HMGCS2: variants seen among roughly 807,000 people sequenced by gnomAD.
HMGCS2 encodes the protein hydroxymethylglutaryl-CoA synthase, mitochondrial.
HMGCS2 carries 50 observed loss-of-function variants against 57.4 expected under a neutral mutation model. The ratio of observed to expected loss-of-function variants is 0.87; its 90% CI spans 0.69 to 1.10. The LOEUF (loss-of-function observed/expected upper bound fraction) is 1.10. HMGCS2 is among the 50% of genes least tolerant of loss of function. The probability of loss-of-function intolerance (pLI) is 0.00; values close to 1 mark genes in which losing one functional copy is unlikely to be tolerated. For synonymous variants in HMGCS2, 254 were observed against 245.1 expected, an observed-to-expected ratio of 1.04 and a Z score of -0.34; for missense variants, 627 against 636.5, an observed-to-expected ratio of 0.99 and a Z score of 0.16.
At chr1:119,758,888 T>C (rs975405775) in intron 4 of HMGCS2, among the ~76,000 whole-genome samples, 4 of 152,228 alleles carry the variant, frequency 2.6e-5, no homozygotes, top group African/African-American at 9.6e-5. Flanking sequence ...CCTGGATTAT[T>C]TACTTTCTTT....
Position 119,750,810 on chromosome 1 carries a change from G to C in HMGCS2, c.1519C>G (p.Pro507Ala), listed in dbSNP as rs753575448. 6 of 1,612,224 alleles carry C rather than the reference G, an allele frequency of 3.7e-6. No homozygotes were observed. The highest frequency in any genetic ancestry group is 2.5e-6 in the Non-Finnish European group (3 of 1,178,402). Residue 507 changes from proline (P) to alanine (A), a missense_variant, in exon 9 of 10, where the codon CCC becomes GCC. Physicochemically the swap from Pro to Ala is conservative, Grantham distance 27. Transcript: ENST00000369406. Reference protein sequence around the residue: ...EQHRRKYARRPV With the variant: ...EQHRRKYARRAV ...ACTCTCACTCACCACCTTTAGACGG[G>C]ACGCCGGGCATACTTTCGGCGATGC... is the stretch of plus-strand genomic sequence containing the variant.
chr1:119,760,234 G>A (rs982592915), intron 2 of HMGCS2, among the ~76,000 whole-genome samples: 2 of 152,202 alleles, frequency 1.3e-5, no homozygotes, highest in Non-Finnish European at 2.9e-5. Flanking sequence ...TGACTTCAGT[G>A]AAAAATGTGT....
At chr1:119,753,984 A>G (rs1394688086) in intron 6 of HMGCS2, among the ~76,000 whole-genome samples, 1 of 151,560 alleles carries the variant, frequency 6.6e-6, no homozygotes, top group Non-Finnish European at 1.5e-5. Flanking sequence ...TCCTGGGCTC[A>G]AGTGATCCTC....
At chr1:119,758,795 C>G (rs898172482) in intron 4 of HMGCS2, among the ~76,000 whole-genome samples, 5 of 152,212 alleles carry the variant, frequency 3.3e-5, no homozygotes, top group Admixed American at 3.3e-4. Context: ...AAATGCCAAC[C>G]ACTGTCGAAT....
chr1:119,768,436 G>A (rs1266328570), intron 1 of HMGCS2, among the ~76,000 whole-genome samples: 1 of 152,218 alleles, frequency 6.6e-6, no homozygotes, highest in Non-Finnish European at 1.5e-5. Context: ...GAATGGTGGT[G>A]TAGAGAGGAA....
intron 8 of HMGCS2, among the ~76,000 whole-genome samples, chr1:119,751,741 A>T (rs1652666590): frequency 6.6e-6 from 1 of 152,092 alleles, no homozygotes. Flanking sequence ...CTTTGCTATA[A>T]CATATCCACT....
At chr1:119,749,946 T>TTCATATA (rs76133566) in intron 9 of HMGCS2, among the ~76,000 whole-genome samples, 66,879 of 151,790 alleles carry the variant, frequency 0.44, 15,084 homozygotes, top group East Asian at 0.57. Flanking sequence ...GGCAGCTACC[T>TTCATATA]GGGTTCATAT....
chr1:119,753,409 AAACAC>A (rs1278369286), intron 6 of HMGCS2, 23 bp from the exon 7 acceptor site: 1 of 864,984 alleles, frequency 1.2e-6, no homozygotes, highest in Non-Finnish European at 1.9e-6. Context: ...AAATCAAATA[AAACAC>A]ACACACACAC....
intron 9 of HMGCS2, among the ~76,000 whole-genome samples, chr1:119,749,353 C>G (rs921701084): frequency 7.9e-5 from 12 of 151,708 alleles, no homozygotes; most frequent in African/African-American, 2.4e-4. Context: ...CTCTCTCCCC[C>G]TCCCGCTGAC....
intron 2 of HMGCS2, among the ~76,000 whole-genome samples, chr1:119,762,354 T>G (rs1653074242): frequency 1.5e-5 from 2 of 130,990 alleles, no homozygotes; most frequent in Non-Finnish European, 3.6e-5. Flanking sequence ...TTTTGGGAAG[T>G]GGTAACAGGT....
Position 119,764,183 on chromosome 1 carries a change from C to T in HMGCS2, c.548G>A (p.Ser183Asn). 1.2e-6 allele frequency: 2 copies of T among 1,613,290 alleles called. No homozygotes were observed. Among genetic ancestry groups the T allele is most frequent in the Non-Finnish European group, 1.7e-6 (2 of 1,179,978 alleles). ...LFNAANWMESSSWDGRYAMVV... is the reference protein window; with the variant it reads ...LFNAANWMESNSWDGRYAMVV... ...GTGGCCGTACATACCATCCCAGGAA[C>T]TGGACTCCATCCAGTTGGCAGCATT... is the stretch of plus-strand genomic sequence containing the variant. Residue 183 changes from serine to asparagine, a missense_variant, in exon 2 of 10, where the codon AGT (serine) becomes AAT (asparagine). Coordinates refer to ENST00000369406, the MANE Select transcript of HMGCS2 (RefSeq NM_005518.4).
intron 5 of HMGCS2, among the ~76,000 whole-genome samples, chr1:119,755,910 TA>T (rs200416689): frequency 2.0e-5 from 3 of 151,268 alleles, no homozygotes; most frequent in Admixed American, 6.6e-5. Flanking sequence ...TATATATATA[TA>T]TTTTTTTTCC....
At chr1:119,764,102 A>C (rs1354948185) in intron 2 of HMGCS2, 70 bp downstream of exon 2, 2 of 1,449,860 alleles carry the variant, frequency 1.4e-6, no homozygotes, top group Non-Finnish European at 9.7e-7. Flanking sequence ...GGGAACTGAA[A>C]AGCAAAACTG....
intron 2 of HMGCS2, among the ~76,000 whole-genome samples, chr1:119,762,641 G>A (rs1249343957): frequency 6.6e-6 from 1 of 152,150 alleles, no homozygotes; most frequent in Admixed American, 6.5e-5. Flanking sequence ...ATTCACACTG[G>A]CATCCTCTGG....
chr1:119,755,744 A>G (rs1400784730), intron 5 of HMGCS2, 147 bp from the exon 6 acceptor site: 8 of 790,750 alleles, frequency 1.0e-5, no homozygotes, highest in Non-Finnish European at 1.8e-5. Context: ...AGAGGAGAAC[A>G]TACCACTAAT....
At position 119,761,057 on chromosome 1, in the gene HMGCS2, C is replaced by T. The variant is rs901237635; in HGVS notation, c.560-1068G>A. ...ATCAACGAAAAAGTATTGTTTTCTT[C>T]CCCAATGCTATGTGCATGTGTGTGT... On this transcript the variant is annotated intron_variant, in intron 2 of 9. Transcript: ENST00000369406. 8.6e-5 allele frequency among the ~76,000 whole-genome samples: 13 copies of T among 150,498 alleles called. 1 individual carries two copies. The highest frequency in any genetic ancestry group is 2.9e-4 in the African/African-American group (12 of 41,086).
rs587633980 is a variant in HMGCS2 at position 119,756,114 on chromosome 1, C to T, written c.1017-517G>A. Among the ~76,000 whole-genome samples the T allele has an allele frequency of 1.6e-4, 24 of 152,290 alleles. No homozygotes were observed. In the South Asian group the frequency reaches 4.1e-3, roughly 26 times the overall value. On this transcript the variant is annotated intron_variant, in intron 5 of 9. Transcript: ENST00000369406. The stretch of plus-strand genomic sequence containing the variant: ...CTTTAAGGCTTTGGCTTCATGCTCT[C>T]CTGTTACTCCTCAAAACACCTGATC...
chr1:119,762,768 T>G (rs1653090806), intron 2 of HMGCS2, among the ~76,000 whole-genome samples: 1 of 152,230 alleles, frequency 6.6e-6, no homozygotes, highest in African/African-American at 2.4e-5. Flanking sequence ...GTTTTTTAAA[T>G]TTTTACTTTT....
chr1:119,765,656 T>G (rs1653201670), intron 1 of HMGCS2, among the ~76,000 whole-genome samples: 1 of 152,238 alleles, frequency 6.6e-6, no homozygotes, highest in African/African-American at 2.4e-5. Flanking sequence ...TTTGAACCAT[T>G]ATTGTCATAT....
Sources: gnomAD v4.1 joint callset for allele counts (sites outside exome capture counted in the v4.1 genomes callset) on GRCh38, gnomAD v4.1.1 for gene constraint, MANE v1.5 for transcripts, NCBI Gene and HGNC (gene_info 2026-07-23, HGNC 2026-07-21) for gene names.